Variants in RAD51B observed in about 807,000 individuals in gnomAD.
The protein encoded by RAD51B is DNA repair protein RAD51 homolog 2.
Under a neutral mutation model 42.2 loss-of-function variants are expected in RAD51B, and 38 were observed. The ratio of observed to expected loss-of-function variants is 0.90; its 90% CI spans 0.70 to 1.18. The LOEUF is 1.18. RAD51B is among the 50% of genes most tolerant of loss of function. RAD51B has a pLI of 0.00. For synonymous variants in RAD51B, 154 were observed against 145.2 expected (o/e 1.06, Z -0.43); for missense variants, 373 against 400.7 (o/e 0.93, Z 0.59).
intron 10 of RAD51B, chr14:68,540,413 C>T: frequency 1.0e-6 from 1 of 985,150 alleles, no homozygotes; most frequent in Non-Finnish European, 1.2e-6. Flanking sequence ...TTATTCAGCC[C>T]TCCCTTATTC....
chr14:67,823,385 T>A, intron 1 of RAD51B, 157 bp from the exon 2 acceptor site: 1 of 563,094 alleles, frequency 1.8e-6, no homozygotes, highest in South Asian at 2.6e-5. Context: ...TCTATAGCAT[T>A]CCTTTATCAG....
intron 7 of RAD51B, among the ~76,000 whole-genome samples, chr14:68,187,969 G>A (rs903764045): frequency 4.6e-5 from 7 of 151,780 alleles, no homozygotes; most frequent in African/African-American, 1.5e-4. Context: ...TGCACGCCAC[G>A]ATGGCCAGCT....
At chr14:68,531,225 AT>A (rs1887287949) in intron 10 of RAD51B, among the ~76,000 whole-genome samples, 1 of 152,082 alleles carries the variant, frequency 6.6e-6, no homozygotes, top group African/African-American at 2.4e-5. Context: ...AAGAAAGAAA[AT>A]AAATAGAAAA....
intron 8 of RAD51B, among the ~76,000 whole-genome samples, chr14:68,304,402 C>G (rs1240985009): frequency 6.6e-6 from 1 of 152,166 alleles, no homozygotes; most frequent in African/African-American, 2.4e-5. Flanking sequence ...AGTTGGCATT[C>G]AAACCTAGAG....
intron 7 of RAD51B, among the ~76,000 whole-genome samples, chr14:67,946,564 C>T (rs568222845): frequency 6.6e-6 from 1 of 152,218 alleles, no homozygotes; most frequent in Non-Finnish European, 1.5e-5. Flanking sequence ...GACATGGTTT[C>T]ACCATCTTGG....
chr14:68,087,556 T>G (rs951180847), intron 7 of RAD51B, among the ~76,000 whole-genome samples: 18 of 152,096 alleles, frequency 1.2e-4, no homozygotes, highest in Non-Finnish European at 2.1e-4. Flanking sequence ...CACTTTCTTC[T>G]GTGGTTTAAC....
chr14:68,196,573 A>G (rs1332822404), intron 7 of RAD51B, among the ~76,000 whole-genome samples: 1 of 151,310 alleles, frequency 6.6e-6, no homozygotes, highest in East Asian at 1.9e-4. Flanking sequence ...TGTAAAAATC[A>G]CTCCTTTAAG....
At chr14:68,531,557 A>G (rs1267312687) in intron 10 of RAD51B, among the ~76,000 whole-genome samples, 1 of 152,242 alleles carries the variant, frequency 6.6e-6, no homozygotes, top group East Asian at 1.9e-4. Flanking sequence ...ATATGCCCCT[A>G]AAAACATAAC....
At chr14:67,835,524 T>C (rs1468849596) in intron 4 of RAD51B, among the ~76,000 whole-genome samples, 2 of 150,818 alleles carry the variant, frequency 1.3e-5, no homozygotes, top group African/African-American at 4.9e-5. Context: ...CATACATGCA[T>C]ACATACATTT....
chr14:68,336,830 G>T (rs1263693125), intron 8 of RAD51B, among the ~76,000 whole-genome samples: 1 of 152,268 alleles, frequency 6.6e-6, no homozygotes, highest in South Asian at 2.1e-4. Flanking sequence ...TTGAAAGACA[G>T]CTAACCATTT....
chr14:68,493,695 G>A (rs570383433), intron 10 of RAD51B, among the ~76,000 whole-genome samples: 7 of 152,280 alleles, frequency 4.6e-5, no homozygotes, highest in South Asian at 2.1e-4. Context: ...CTGAGTCTCC[G>A]GTTCCCAGAA....
At chr14:68,078,472 T>C (rs566180343) in intron 7 of RAD51B, among the ~76,000 whole-genome samples, 1 of 152,326 alleles carries the variant, frequency 6.6e-6, no homozygotes, top group African/African-American at 2.4e-5. Flanking sequence ...ATGACATATA[T>C]GTTAGGCTCT....
chr14:68,439,153 TACACACAC>T (rs10565900), intron 9 of RAD51B, among the ~76,000 whole-genome samples: 3 of 119,182 alleles, frequency 2.5e-5, no homozygotes, highest in Non-Finnish European at 5.2e-5. Context: ...TGTATTTTTG[TACACACAC>T]ACACACACAC....
intron 9 of RAD51B, among the ~76,000 whole-genome samples, chr14:68,463,770 C>T (rs569375450): frequency 1.3e-5 from 2 of 152,188 alleles, no homozygotes; most frequent in Non-Finnish European, 2.9e-5. Flanking sequence ...TCATTGATTG[C>T]TTTGGGCCTC....
At chr14:68,669,174 T>C (rs1893098640) in intron 11 of RAD51B, among the ~76,000 whole-genome samples, 2 of 152,240 alleles carry the variant, frequency 1.3e-5, no homozygotes, top group Non-Finnish European at 2.9e-5. Context: ...TTGGAAACAG[T>C]GGCCTCTTGA....
At chr14:68,105,273 A>G (rs140033217) in intron 7 of RAD51B, among the ~76,000 whole-genome samples, 13 of 152,208 alleles carry the variant, frequency 8.5e-5, no homozygotes, top group African/African-American at 3.1e-4. Flanking sequence ...CCTGACCTGT[A>G]TAAAACAAGA....
chr14:68,454,741 G>A (rs764525883), intron 9 of RAD51B, among the ~76,000 whole-genome samples: 23 of 152,324 alleles, frequency 1.5e-4, no homozygotes, highest in Non-Finnish European at 2.5e-4. Context: ...TATCCACAGA[G>A]CATTTGTCAA....
chr14:68,192,644 A>C (rs1441301891), intron 7 of RAD51B, among the ~76,000 whole-genome samples: 1 of 152,176 alleles, frequency 6.6e-6, no homozygotes, highest in Non-Finnish European at 1.5e-5. Flanking sequence ...GTCTCTGCTG[A>C]TGTTAAGGTA....
intron 7 of RAD51B, among the ~76,000 whole-genome samples, chr14:68,098,655 G>A (rs1001887398): frequency 6.6e-6 from 1 of 152,136 alleles, no homozygotes; most frequent in African/African-American, 2.4e-5. Context: ...GGGGGAAACT[G>A]CCCCAATGGA....
Sources: allele counts gnomAD v4.1 joint callset (sites outside exome capture counted in the v4.1 genomes callset), GRCh38; gene constraint gnomAD v4.1.1; transcripts MANE v1.5; gene names NCBI Gene and HGNC (gene_info 2026-07-23, HGNC 2026-07-21).